ZNF184: variants seen among roughly 807,000 people sequenced by gnomAD.
ZNF184 encodes the protein zinc finger protein 184, also known as zinc finger protein 184 (Kruppel-like).
A neutral mutation model predicts 54.4 loss-of-function variants in ZNF184; 16 were observed. The ratio of observed to expected loss-of-function variants is 0.29; its 90% confidence interval spans 0.20 to 0.45. The LOEUF (loss-of-function observed/expected upper bound fraction) is 0.45, where lower values mean the gene tolerates loss of function less well. ZNF184 is among the 20% of genes least tolerant of loss of function. The pLI, the probability that ZNF184 is intolerant of heterozygous loss-of-function variation, is 1.00. For synonymous variants in ZNF184, 254 were observed against 295.3 expected (o/e 0.86, Z 1.43); for missense variants, 681 against 888.2 (o/e 0.77, Z 2.97).
chr6:27,418,896 A>T, the ZNF184 span, among the ~76,000 whole-genome samples: 12 of 151,478 alleles, frequency 7.9e-5, no homozygotes. Flanking sequence ...GAGTATTTTT[A>T]TTTTTTTTGG....
chr6:27,451,739 A>C lies in ZNF184; in HGVS notation c.1820T>G (p.Ile607Ser). The change falls in exon 6 of 6, where the codon ATT (isoleucine) becomes AGT (serine). Residue 607 changes from isoleucine (I) to serine (S), a missense_variant. Physicochemically the swap from Ile to Ser is moderately radical, Grantham distance 142. Coordinates refer to ENST00000683788, the MANE Select transcript of ZNF184 (RefSeq NM_001318891.2). ...QNIHLTQHKR[I>S]HTGAKPYECA... ...CTCATAAGGCTTGGCTCCTGTATGAATTCTCTTATGCTGTGTAAGGTGTAT... is the reference window on the plus strand; with the variant it reads ...CTCATAAGGCTTGGCTCCTGTATGACTTCTCTTATGCTGTGTAAGGTGTAT... The C allele has an allele frequency of 6.2e-7, 1 of 1,613,964 alleles. No individual in the cohort carries two copies. The highest frequency in any genetic ancestry group is 8.5e-7 in the Non-Finnish European group (1 of 1,179,926).
At chr6:27,419,527 CAGATAGATAGATAGATAGATAGAT>C in the ZNF184 span, among the ~76,000 whole-genome samples, 1 of 149,134 alleles carries the variant, frequency 6.7e-6, no homozygotes, top group Non-Finnish European at 1.5e-5. This position sits in a 1 kb window ranked among gnomAD's most constrained non-coding sequence, Gnocchi z 4.8. Flanking sequence ...TTTCAATATT[CAGATAGATAGATAGATAGATAGAT>C]AGATAGATAG....
chr6:27,470,542 T>C (rs895131565), intron 2 of ZNF184, among the ~76,000 whole-genome samples: 1 of 152,098 alleles, frequency 6.6e-6, no homozygotes, highest in Non-Finnish European at 1.5e-5. Flanking sequence ...GTAACAGAAG[T>C]CTTAAGAAAA....
chr6:27,464,861 A>G (rs577648217), intron 3 of ZNF184, among the ~76,000 whole-genome samples: 2 of 151,268 alleles, frequency 1.3e-5, no homozygotes, highest in South Asian at 4.2e-4. Flanking sequence ...CTAAAAATAC[A>G]AAAAAATTAG....
the ZNF184 span, among the ~76,000 whole-genome samples, chr6:27,430,418 C>T: frequency 2.2e-5 from 3 of 136,160 alleles, no homozygotes; most frequent in Admixed American, 2.6e-4. Flanking sequence ...ACTTTGCAGG[C>T]ATGATTAAGT....
At chr6:27,447,655 G>C (rs1306687570), downstream of ZNF184, among the ~76,000 whole-genome samples, 1 of 152,220 alleles carries the variant, frequency 6.6e-6, no homozygotes, top group Non-Finnish European at 1.5e-5. Context: ...AGAGGCTGCA[G>C]TGAGCCAAGA....
chr6:27,442,202 AG>A, the ZNF184 span, among the ~76,000 whole-genome samples: 36 of 152,120 alleles, frequency 2.4e-4, no homozygotes, highest in Non-Finnish European at 2.1e-4. Context: ...TATATTACCT[AG>A]GGACTTGGGC....
the ZNF184 span, among the ~76,000 whole-genome samples, chr6:27,409,533 C>T: frequency 1.0e-4 from 14 of 140,674 alleles, no homozygotes; most frequent in Non-Finnish European, 2.2e-4. Context: ...ACAAAACAAA[C>T]GAACAAACAA....
At chr6:27,440,087 T>C in the ZNF184 span, among the ~76,000 whole-genome samples, 4 of 152,252 alleles carry the variant, frequency 2.6e-5, no homozygotes, top group African/African-American at 4.8e-5. Context: ...TTTTCACTCT[T>C]ATCATTGCCT....
chr6:27,454,327 C>A (rs1762802808), intron 5 of ZNF184, among the ~76,000 whole-genome samples: 1 of 152,192 alleles, frequency 6.6e-6, no homozygotes, highest in African/African-American at 2.4e-5. Flanking sequence ...AGCTGCCTAG[C>A]ATCCCCTCCA....
chr6:27,422,669 T>G, the ZNF184 span, among the ~76,000 whole-genome samples: 1 of 152,164 alleles, frequency 6.6e-6, no homozygotes, highest in Non-Finnish European at 1.5e-5. Context: ...GGAAAAGCTC[T>G]AGGTCAGGTC....
Position 27,453,316 on chromosome 6 carries a change from T to A in ZNF184, c.299-56A>T. ...TGAATAGAGAAAAAATAAACTGCTA[T>A]TGTGGGAATAATATAATGATACTGA... On this transcript the variant is annotated intron_variant, in intron 5 of 5. Transcript: ENST00000683788. The surrounding 1 kb of genome is among the most constrained non-coding windows in gnomAD (Gnocchi z 4.7). 6.8e-7 allele frequency: 1 copy of A among 1,464,098 alleles called. No homozygotes were observed. The highest frequency in any genetic ancestry group is 1.4e-5 in the South Asian group (1 of 70,748). 90.7% of individuals were successfully genotyped at this position (1,464,098 alleles called of 1,614,324 possible). A position where few individuals can be genotyped will look rare whatever the true frequency, so the allele number is the denominator to read the frequency against.
At chr6:27,437,741 T>C in the ZNF184 span, among the ~76,000 whole-genome samples, 14 of 152,254 alleles carry the variant, frequency 9.2e-5, no homozygotes, top group Non-Finnish European at 1.6e-4. Context: ...AATCAGCTTC[T>C]TTAACCTCTT....
In ZNF184 at chr6:27,453,381, T is replaced by C; in HGVS notation, c.299-121A>G. 3.0e-6 allele frequency: 3 copies of C among 1,005,678 alleles called. No homozygotes were observed. Among genetic ancestry groups the C allele is most frequent in the South Asian group, 2.2e-5 (1 of 45,866 alleles). 62.3% of individuals were successfully genotyped at this position (1,005,678 alleles called of 1,614,324 possible). On this transcript the variant is annotated intron_variant, in intron 5 of 5. Transcript: ENST00000683788. This position sits in a 1 kb window ranked among gnomAD's most constrained non-coding sequence, Gnocchi z 4.7. ...AGAAAATTCTAATGGTTTTCAAATA[T>C]ATAGCCATATTATTTGGGGAGAAAG...
chr6:27,405,400 T>G, the ZNF184 span: 1 of 152,180 alleles, frequency 6.6e-6, no homozygotes, highest in African/African-American at 2.4e-5. Flanking sequence ...GTGTCAGTAC[T>G]AGGCTGGACT....
At chr6:27,457,560 G>A in intron 3 of ZNF184, 151 bp from the exon 4 acceptor site, 2 of 863,676 alleles carry the variant, frequency 2.3e-6, no homozygotes, top group Non-Finnish European at 1.7e-6. Context: ...TAAAAACAGT[G>A]CCTCATCCAT....
At position 27,472,359 on chromosome 6, in the gene ZNF184, G is replaced by C; in HGVS notation, c.-65C>G. The C allele has an allele frequency of 6.2e-7, 1 of 1,611,028 alleles. No individual in the cohort carries two copies. The highest frequency in any genetic ancestry group is 8.5e-7 in the Non-Finnish European group (1 of 1,177,684). On this transcript the variant is annotated 5_prime_UTR_variant, in exon 2 of 6. Coordinates refer to ENST00000683788, the MANE Select transcript of ZNF184 (RefSeq NM_001318891.2). The surrounding 1 kb of genome is among the most constrained non-coding windows in gnomAD (Gnocchi z 4.8). ...GGGTTCGCCAGGCAGCGTTCCTTCAGCTGGTATCTCGGTCTAGGACTCAGA... is the reference window on the plus strand; with the variant it reads ...GGGTTCGCCAGGCAGCGTTCCTTCACCTGGTATCTCGGTCTAGGACTCAGA...
At chr6:27,436,698 C>T in the ZNF184 span, among the ~76,000 whole-genome samples, 1 of 152,136 alleles carries the variant, frequency 6.6e-6, no homozygotes, top group African/African-American at 2.4e-5. Context: ...TGTTGATCTT[C>T]ATAATTTTTC....
the ZNF184 span, among the ~76,000 whole-genome samples, chr6:27,420,905 C>G: frequency 6.6e-6 from 1 of 152,132 alleles, no homozygotes; most frequent in African/African-American, 2.4e-5. Context: ...GAAGATTATT[C>G]AGTGCTAAAA....
Sources: gnomAD v4.1 joint callset for allele counts (sites outside exome capture counted in the v4.1 genomes callset) on GRCh38, gnomAD v4.1.1 for gene constraint, Gnocchi (gnomAD v3.1) non-coding constraint, MANE v1.5 for transcripts, NCBI Gene and HGNC (gene_info 2026-07-23, HGNC 2026-07-21) for gene names.